SENP1: variants seen among roughly 807,000 people sequenced by gnomAD.
The protein encoded by SENP1 is SUMO specific peptidase 1, also known as sentrin-specific protease 1.
Under a neutral mutation model 93.0 loss-of-function variants are expected in SENP1, and 21 were observed. That is an observed-to-expected ratio of 0.23 (90% CI 0.16 to 0.33). SENP1 has a LOEUF of 0.33. SENP1 is among the 10% of genes least tolerant of loss of function. The pLI is 1.00. For missense variants in SENP1, 591 were observed against 758.7 expected, an observed-to-expected ratio of 0.78 and a Z score of 2.60; for synonymous variants, 256 against 259.6, an observed-to-expected ratio of 0.99 and a Z score of 0.13.
At chr12:48,066,801 C>T (rs1321040011) in intron 10 of SENP1, 126 bp downstream of exon 10, 18 of 748,362 alleles carry the variant, frequency 2.4e-5, no homozygotes, top group South Asian at 1.4e-4. Flanking sequence ...CGTGAGCCAC[C>T]GCGCCCAGCC....
rs370021236 is a variant in SENP1 at position 48,078,317 on chromosome 12, T to TTATATATATATATATA, written c.553-3540_553-3525dup. Among the ~76,000 whole-genome samples the TTATATATATATATATA allele has an allele frequency of 3.2e-3, 225 of 70,718 alleles. 20 individuals carry two copies. The highest frequency in any genetic ancestry group is 8.5e-3 in the Middle Eastern group (1 of 118). The allele number at this position is 70,718 out of a possible 152,430, so 46.4% of individuals were successfully genotyped here. A position where few individuals can be genotyped will look rare whatever the true frequency, so the allele number is the denominator to read the frequency against. On this transcript the variant is annotated intron_variant, in intron 6 of 17. Coordinates refer to ENST00000549518, the MANE Select transcript of SENP1 (RefSeq NM_001267594.2). ...GTTTTTTGGTGGAGTCTGTAGGATT[T>TTATATATATATATATA]TATATATATATATATATACACACAC...
At chr12:48,067,578 G>A (rs898221657) in intron 9 of SENP1, among the ~76,000 whole-genome samples, 1 of 152,166 alleles carries the variant, frequency 6.6e-6, no homozygotes, top group African/African-American at 2.4e-5. Flanking sequence ...AACTAGGCAG[G>A]ATCTATCACA....
Position 48,044,767 on chromosome 12 carries a change from C to T in SENP1, c.*555G>A, listed in dbSNP as rs1429531395. ...TAGGGACATATAAATAGGAAAGGTC[C>T]TGGAGGAAGGGACTTATGCCTGGGC... On this transcript the variant is annotated 3_prime_UTR_variant, in exon 18 of 18. Coordinates refer to ENST00000549518, the MANE Select transcript of SENP1 (RefSeq NM_001267594.2). 1.3e-5 allele frequency: 2 copies of T among 155,102 alleles called. No homozygotes were observed. The highest frequency in any genetic ancestry group is 4.8e-5 in the African/African-American group (2 of 41,420). 9.6% of individuals were successfully genotyped at this position (155,102 alleles called of 1,614,324 possible).
intron 10 of SENP1, among the ~76,000 whole-genome samples, chr12:48,066,378 A>G (rs1418644323): frequency 1.3e-5 from 2 of 152,240 alleles, no homozygotes; most frequent in East Asian, 3.8e-4. Context: ...TCCCTATTAT[A>G]TAATAGCTAA....
At chr12:48,046,672 T>A (rs1376449030) in intron 16 of SENP1, among the ~76,000 whole-genome samples, 3 of 152,074 alleles carry the variant, frequency 2.0e-5, no homozygotes, top group Non-Finnish European at 4.4e-5. Context: ...TATCTCCGAC[T>A]CCCATGGCAC....
At chr12:48,083,795 AGAT>A in intron 5 of SENP1, 33 bp from the exon 6 acceptor site, 1 of 1,478,354 alleles carries the variant, frequency 6.8e-7, no homozygotes, top group Non-Finnish European at 9.2e-7. Flanking sequence ...AGATAAGAAC[AGAT>A]AATAAGTAAA....
chr12:48,096,410 T>C lies in SENP1; in HGVS notation c.153A>G (p.Gln51=). The C allele has an allele frequency of 6.2e-7, 1 of 1,609,522 alleles. No individual in the cohort carries two copies. The highest frequency in any genetic ancestry group is 8.5e-7 in the Non-Finnish European group (1 of 1,176,472). The part of the protein sequence containing the change: ...LSDQQILSSR[Q]GHLDRSFTCS... ...ATGTAAAAGATCGGTCCAAATGTCC[T>C]TGCCTGGAAGATAAAATCTAAACAA... Residue 51 remains glutamine (Q), a synonymous_variant, in exon 4 of 18, where the codon CAA becomes CAG. Transcript: ENST00000549518.
chr12:48,087,710 A>C (rs139659620), intron 5 of SENP1, among the ~76,000 whole-genome samples: 1 of 152,306 alleles, frequency 6.6e-6, no homozygotes, highest in Non-Finnish European at 1.5e-5. Flanking sequence ...TTAAAAGTTA[A>C]GTGAGGAACA....
At chr12:48,097,223 T>C (rs1945628855) in intron 3 of SENP1, among the ~76,000 whole-genome samples, 1 of 152,192 alleles carries the variant, frequency 6.6e-6, no homozygotes, top group African/African-American at 2.4e-5. Context: ...TTTGGTTCTT[T>C]TGATAACTTT....
intron 13 of SENP1, among the ~76,000 whole-genome samples, chr12:48,055,747 A>C (rs915784350): frequency 1.3e-5 from 2 of 148,738 alleles, no homozygotes; most frequent in Non-Finnish European, 3.0e-5. Context: ...CTAAAATGAC[A>C]TATTTTGTTA....
At chr12:48,047,861 G>T in intron 15 of SENP1, 140 bp downstream of exon 15, 1 of 610,822 alleles carries the variant, frequency 1.6e-6, no homozygotes. Context: ...AACTTACTTA[G>T]ATACAAAATA....
At chr12:48,059,705 A>T (rs1445299915) in intron 13 of SENP1, among the ~76,000 whole-genome samples, 1 of 151,536 alleles carries the variant, frequency 6.6e-6, no homozygotes, top group Non-Finnish European at 1.5e-5. Flanking sequence ...GTATTCCTTT[A>T]AACATTGTTG....
chr12:48,105,858 G>T (rs950944034), intron 1 of SENP1, 170 bp downstream of exon 1: 2 of 603,496 alleles, frequency 3.3e-6, no homozygotes, highest in Admixed American at 3.0e-5. Flanking sequence ...CGGACAGCAG[G>T]GGGGAGGGGA....
chr12:48,044,239 T>G lies in SENP1; in HGVS notation c.*1083A>C, dbSNP rs1164863878. The G allele has an allele frequency of 6.6e-6, 1 of 151,056 alleles. No homozygotes were observed. Among genetic ancestry groups the G allele is most frequent in the Non-Finnish European group, 1.5e-5 (1 of 67,720 alleles). The allele number at this position is 151,056 out of a possible 1,614,324, so 9.4% of individuals were successfully genotyped here. A position where few individuals can be genotyped will look rare whatever the true frequency, so the allele number is the denominator to read the frequency against. On this transcript the variant is annotated 3_prime_UTR_variant, in exon 18 of 18. Transcript: ENST00000549518. Reference sequence around the variant, plus strand: ...AGGTAGTCCACAAACACCCTACTCATAGGGGCTGGGATCTCTGTGTGCTGG... The same window carrying G: ...AGGTAGTCCACAAACACCCTACTCAGAGGGGCTGGGATCTCTGTGTGCTGG...
rs1399773637 is a variant in SENP1 at position 48,083,705 on chromosome 12, A to G, written c.438T>C (p.Tyr146=). The G allele has an allele frequency of 1.9e-6, 3 of 1,612,826 alleles. No individual in the cohort carries two copies. The highest frequency in any genetic ancestry group is 1.1e-5 in the South Asian group (1 of 90,918). The change falls in exon 6 of 18, where the codon TAT becomes TAC. Residue 146 remains tyrosine (Y), a synonymous_variant. Transcript: ENST00000549518. ...KSNHHCHVSA[Y]EKSFPIKPVP... ...CAGGTTTAATAGGAAAAGATTTTTC[A>G]TATGCAGATACATGGCAGTGATGGT...
chr12:48,053,787 G>A (rs1942003862), intron 13 of SENP1, among the ~76,000 whole-genome samples: 2 of 152,038 alleles, frequency 1.3e-5, no homozygotes, highest in Non-Finnish European at 2.9e-5. Context: ...TTTCACCATC[G>A]TCCTGTCCCC....
At chr12:48,094,214 A>G (rs890136146) in intron 4 of SENP1, among the ~76,000 whole-genome samples, 3 of 152,030 alleles carry the variant, frequency 2.0e-5, no homozygotes, top group Non-Finnish European at 2.9e-5. Context: ...CACCTCTATA[A>G]ATAATTTTTC....
intron 4 of SENP1, among the ~76,000 whole-genome samples, chr12:48,091,912 C>T (rs112476169): frequency 0.019 from 2,961 of 152,196 alleles, 76 homozygotes; most frequent in African/African-American, 0.049. Flanking sequence ...AACTCTTGGG[C>T]TCAGGTGACA....
intron 13 of SENP1, 80 bp downstream of exon 13, chr12:48,063,630 T>G: frequency 1.2e-5 from 17 of 1,434,422 alleles, no homozygotes; most frequent in Non-Finnish European, 1.5e-5. Flanking sequence ...GACCACATTT[T>G]GAGAAAAAGT....
Sources: allele counts gnomAD v4.1 joint callset (sites outside exome capture counted in the v4.1 genomes callset), GRCh38; gene constraint gnomAD v4.1.1; transcripts MANE v1.5; gene names NCBI Gene and HGNC (gene_info 2026-07-23, HGNC 2026-07-21).